The following SLC35F3 variants were observed in gnomAD, a reference collection of about 807,000 sequenced individuals.
SLC35F3 encodes putative thiamine transporter SLC35F3.
Under a neutral mutation model 49.9 loss-of-function variants are expected in SLC35F3, and 25 were observed. The ratio of observed to expected loss-of-function variants is 0.50; its 90% confidence interval spans 0.37 to 0.70. The LOEUF (loss-of-function observed/expected upper bound fraction) is 0.70, where lower values mean the gene tolerates loss of function less well. Ranked by LOEUF, SLC35F3 falls within the 30% of genes least tolerant of loss-of-function variation. The probability of loss-of-function intolerance (pLI) is 0.00; values close to 1 mark genes in which losing one functional copy is unlikely to be tolerated. For synonymous variants in SLC35F3, 275 were observed against 265.4 expected, an observed-to-expected ratio of 1.04 and a Z score of -0.35; for missense variants, 525 against 639.8, an observed-to-expected ratio of 0.82 and a Z score of 1.94.
At position 234,117,964 on chromosome 1, in the gene SLC35F3, G is replaced by GAA. The variant is rs1553306809; in HGVS notation, c.284-113453_284-113452insAA. 7.7e-5 allele frequency among the ~76,000 whole-genome samples: 10 copies of GAA among 129,924 alleles called. 2 individuals carry two copies. Among genetic ancestry groups the GAA allele is most frequent in the Non-Finnish European group, 1.6e-4 (10 of 62,682 alleles). The allele number at this position is 129,924 out of a possible 152,430, so 85.2% of individuals were successfully genotyped here. On this transcript the variant is annotated intron_variant, in intron 2 of 7. Transcript: ENST00000366618. ...TGTGTGTGTGTGTGTGTGTGTGTGT[G>GAA]TATATATATATAAAACCACAAGAAA...
chr1:234,042,707 C>T (rs1240410803), intron 2 of SLC35F3, among the ~76,000 whole-genome samples: 2 of 152,120 alleles, frequency 1.3e-5, no homozygotes, highest in African/African-American at 2.4e-5. Flanking sequence ...TCATTTCCTT[C>T]GAGAGTTTAT....
intron 2 of SLC35F3, among the ~76,000 whole-genome samples, chr1:233,977,399 C>T (rs568449687): frequency 6.6e-6 from 1 of 152,278 alleles, no homozygotes; most frequent in Admixed American, 6.5e-5. Context: ...AGTCACAGCT[C>T]TCATATTAAA....
chr1:233,933,712 G>A (rs1571985694), intron 2 of SLC35F3, among the ~76,000 whole-genome samples: 1 of 152,282 alleles, frequency 6.6e-6, no homozygotes, highest in African/African-American at 2.4e-5. Flanking sequence ...GTGGTGACAT[G>A]CACCTGTAAT....
chr1:234,317,431 G>C (rs979931051), intron 5 of SLC35F3, among the ~76,000 whole-genome samples: 1 of 151,762 alleles, frequency 6.6e-6, no homozygotes, highest in African/African-American at 2.4e-5. Flanking sequence ...ATCCATAGCA[G>C]AGAATGCAAA....
intron 2 of SLC35F3, among the ~76,000 whole-genome samples, chr1:233,939,175 G>T (rs1345764735): frequency 6.6e-6 from 1 of 152,182 alleles, no homozygotes; most frequent in African/African-American, 2.4e-5. Context: ...TTGTTGGCCA[G>T]GTGCAGTGGC....
intron 2 of SLC35F3, among the ~76,000 whole-genome samples, chr1:234,087,030 C>T (rs917314459): frequency 1.3e-5 from 2 of 152,216 alleles, no homozygotes; most frequent in African/African-American, 4.8e-5. Flanking sequence ...AGCTATAAAC[C>T]TGACATGACC....
At chr1:234,184,647 T>G (rs1344991404) in intron 2 of SLC35F3, among the ~76,000 whole-genome samples, 1 of 152,154 alleles carries the variant, frequency 6.6e-6, no homozygotes, top group Non-Finnish European at 1.5e-5. Context: ...ATCCTGGCTC[T>G]GGGATGACCA....
chr1:234,002,505 T>A (rs533917170), intron 2 of SLC35F3, among the ~76,000 whole-genome samples: 15 of 152,318 alleles, frequency 9.8e-5, no homozygotes, highest in Admixed American at 8.5e-4. Context: ...TGATTTTTTT[T>A]ATCATGATTA....
At chr1:234,191,978 A>C (rs1432484811) in intron 2 of SLC35F3, among the ~76,000 whole-genome samples, 2 of 152,074 alleles carry the variant, frequency 1.3e-5, no homozygotes, top group Non-Finnish European at 2.9e-5. Flanking sequence ...TTACCAACAA[A>C]AAAAAAAGTC....
At chr1:233,958,640 A>C (rs1309300229) in intron 2 of SLC35F3, among the ~76,000 whole-genome samples, 1 of 152,258 alleles carries the variant, frequency 6.6e-6, no homozygotes, top group East Asian at 1.9e-4. Flanking sequence ...GAGATAATGC[A>C]TGAGGAAGTA....
At chr1:234,130,281 A>G (rs1665714191) in intron 2 of SLC35F3, among the ~76,000 whole-genome samples, 1 of 152,176 alleles carries the variant, frequency 6.6e-6, no homozygotes, top group South Asian at 2.1e-4. Flanking sequence ...AATTGTTGCT[A>G]TCAGGGAAAT....
intron 4 of SLC35F3, among the ~76,000 whole-genome samples, chr1:234,316,091 T>C (rs947678880): frequency 3.9e-5 from 6 of 152,216 alleles, no homozygotes; most frequent in African/African-American, 1.4e-4. Context: ...TGACATTCTG[T>C]CAGGCCCCAC....
rs185444270 is a variant in SLC35F3 at position 234,026,021 on chromosome 1, A to G, written c.283+120263A>G. 1.4e-4 allele frequency among the ~76,000 whole-genome samples: 22 copies of G among 152,246 alleles called. No individual in the cohort carries two copies. In the East Asian group the frequency reaches 4.1e-3, roughly 28 times the overall value. ...TCCACTTTCATTCTTTTGCATTTGG[A>G]TAGCCAGTTATCCCAGCACCATTTA... is the stretch of plus-strand genomic sequence containing the variant. On this transcript the variant is annotated intron_variant, in intron 2 of 7. Coordinates refer to ENST00000366618, the MANE Select transcript of SLC35F3 (RefSeq NM_173508.4).
At chr1:233,914,003 C>T (rs542917744) in intron 2 of SLC35F3, among the ~76,000 whole-genome samples, 1 of 152,116 alleles carries the variant, frequency 6.6e-6, no homozygotes, top group Non-Finnish European at 1.5e-5. Context: ...TAGGGAAGAA[C>T]GTGACATGTC....
At chr1:234,263,856 T>C (rs529915138) in intron 3 of SLC35F3, among the ~76,000 whole-genome samples, 2 of 152,254 alleles carry the variant, frequency 1.3e-5, no homozygotes, top group South Asian at 4.2e-4. Context: ...ACGCTTGTAA[T>C]CCAGCAATTT....
intron 2 of SLC35F3, among the ~76,000 whole-genome samples, chr1:234,016,508 C>T (rs1016378094): frequency 3.3e-5 from 5 of 152,058 alleles, no homozygotes; most frequent in Non-Finnish European, 5.9e-5. Flanking sequence ...TGTAGATGAA[C>T]GTGGAGGACA....
intron 2 of SLC35F3, among the ~76,000 whole-genome samples, chr1:234,222,801 G>A (rs1667227581): frequency 6.6e-6 from 1 of 152,200 alleles, no homozygotes; most frequent in Non-Finnish European, 1.5e-5. Context: ...AATCTGATGA[G>A]GAAAAACACC....
intron 2 of SLC35F3, among the ~76,000 whole-genome samples, chr1:234,083,994 T>A (rs1664921398): frequency 6.6e-6 from 1 of 151,932 alleles, no homozygotes; most frequent in Non-Finnish European, 1.5e-5. Flanking sequence ...TATGTCACCA[T>A]GCCCGGCTAA....
At chr1:234,322,126 G>A (rs1657636046) in intron 7 of SLC35F3, among the ~76,000 whole-genome samples, 1 of 151,882 alleles carries the variant, frequency 6.6e-6, no homozygotes, top group South Asian at 2.1e-4. Flanking sequence ...CCCGGGAGGT[G>A]GAGGTTGCAG....
Sources: allele counts gnomAD v4.1 joint callset (sites outside exome capture counted in the v4.1 genomes callset), GRCh38; gene constraint gnomAD v4.1.1; transcripts MANE v1.5; gene names NCBI Gene and HGNC (gene_info 2026-07-23, HGNC 2026-07-21).